The following ST7L variants were observed in gnomAD, a reference collection of about 807,000 sequenced individuals.
ST7L encodes the protein suppression of tumorigenicity 7 like, also known as suppressor of tumorigenicity 7 protein-like.
In ST7L, 57 loss-of-function variants were observed where a neutral mutation model predicts 72.5. The ratio of observed to expected loss-of-function variants is 0.79; its 90% CI spans 0.64 to 0.98. The LOEUF is 0.98. Among genes scored for constraint, ST7L ranks in the 50% least tolerant of loss-of-function variants. The pLI, the probability that ST7L is intolerant of heterozygous loss-of-function variation, is 0.00. For missense variants in ST7L, 576 were observed against 672.2 expected, an observed-to-expected ratio of 0.86 and a Z score of 1.58; for synonymous variants, 221 against 240.9, an observed-to-expected ratio of 0.92 and a Z score of 0.77.
intron 11 of ST7L, among the ~76,000 whole-genome samples, chr1:112,561,912 AAACAG>A (rs1660219601): frequency 1.3e-5 from 2 of 152,262 alleles, no homozygotes; most frequent in African/African-American, 4.8e-5. Flanking sequence ...AAACTTGTAA[AAACAG>A]TTACGTAAAC....
At chr1:112,603,016 C>T (rs568339030) in intron 3 of ST7L, among the ~76,000 whole-genome samples, 9 of 150,810 alleles carry the variant, frequency 6.0e-5, no homozygotes, top group African/African-American at 1.9e-4. Context: ...CGCCCGGCCC[C>T]TGGCAGATAT....
At chr1:112,615,029 T>C (rs1669649597) in intron 2 of ST7L, among the ~76,000 whole-genome samples, 1 of 152,202 alleles carries the variant, frequency 6.6e-6, no homozygotes, top group African/African-American at 2.4e-5. Context: ...AAACAGAGTC[T>C]TGCTCTGTCA....
intron 11 of ST7L, 36 bp from the exon 12 acceptor site, chr1:112,556,054 CAG>C (rs746735302): frequency 7.3e-6 from 10 of 1,368,098 alleles, no homozygotes; most frequent in Non-Finnish European, 8.6e-6. Flanking sequence ...ATACACACAA[CAG>C]AAAAAAGAAA....
chr1:112,540,225 C>T (rs1460711618), intron 14 of ST7L: 11 of 985,432 alleles, frequency 1.1e-5, no homozygotes, highest in Non-Finnish European at 1.3e-5. Flanking sequence ...CCTTCCCACT[C>T]CACTTGCCTG....
intron 2 of ST7L, 37 bp downstream of exon 2, chr1:112,616,776 C>A: frequency 1.4e-6 from 2 of 1,425,824 alleles, no homozygotes; most frequent in Non-Finnish European, 1.9e-6. Context: ...TTTAGATAAA[C>A]ACCAAAACAT....
intron 6 of ST7L, among the ~76,000 whole-genome samples, chr1:112,589,441 C>A (rs1174242321): frequency 6.6e-6 from 1 of 152,010 alleles, no homozygotes; most frequent in Non-Finnish European, 1.5e-5. Context: ...TCTTTGCATG[C>A]CTTGTAATTT....
At chr1:112,589,109 C>T (rs1312139129) in intron 6 of ST7L, among the ~76,000 whole-genome samples, 1 of 152,064 alleles carries the variant, frequency 6.6e-6, no homozygotes, top group Non-Finnish European at 1.5e-5. Flanking sequence ...TTATTTCTTC[C>T]TCTTTACTGA....
At chr1:112,598,674 CAT>C (rs1482884553) in intron 4 of ST7L, among the ~76,000 whole-genome samples, 4 of 150,960 alleles carry the variant, frequency 2.6e-5, no homozygotes, top group Non-Finnish European at 4.4e-5. Flanking sequence ...ATGGAGCTAA[CAT>C]ATGAAATGTA....
chr1:112,619,198 T>C, upstream of ST7L: 3 of 1,361,192 alleles, frequency 2.2e-6, no homozygotes. Context: ...GTGGCGGACC[T>C]GAAGTTGGCC....
At chr1:112,577,593 A>G (rs1352981233) in intron 10 of ST7L, among the ~76,000 whole-genome samples, 1 of 151,710 alleles carries the variant, frequency 6.6e-6, no homozygotes, top group African/African-American at 2.4e-5. Context: ...AAAACAAAGC[A>G]GCATAAGGAA....
At chr1:112,537,502 T>G (rs1212101812) in intron 14 of ST7L, among the ~76,000 whole-genome samples, 1 of 152,160 alleles carries the variant, frequency 6.6e-6, no homozygotes, top group Non-Finnish European at 1.5e-5. Context: ...AGTAGAAGAT[T>G]GGTTCTCTAA....
chr1:112,526,127 T>C lies in ST7L; in HGVS notation c.1630-16A>G, dbSNP rs2101127373. 1 of 1,613,928 alleles carries C rather than the reference T, an allele frequency of 6.2e-7. No homozygotes were observed. Among genetic ancestry groups the C allele is most frequent in the Non-Finnish European group, 8.5e-7 (1 of 1,179,940 alleles). ...GTCCCAGCACCTTCAAAACAGAAATTGATACAAAATGTTCAAGCCCTGTAG... is the reference window on the plus strand; with the variant it reads ...GTCCCAGCACCTTCAAAACAGAAATCGATACAAAATGTTCAAGCCCTGTAG... On this transcript the variant is annotated splice_polypyrimidine_tract_variant and intron_variant, in intron 14 of 14. Transcript: ENST00000358039.
At chr1:112,601,927 A>G (rs6689672) in intron 3 of ST7L, among the ~76,000 whole-genome samples, 3,265 of 152,052 alleles carry the variant, frequency 0.021, 107 homozygotes, top group African/African-American at 0.075. Flanking sequence ...AAAAATACAA[A>G]ATTAGCTGGG....
At chr1:112,522,424 G>C (rs1017558209), downstream of ST7L, 2 of 152,216 alleles carry the variant, frequency 1.3e-5, no homozygotes, top group African/African-American at 4.8e-5. Context: ...GACTTCTCTA[G>C]GAACAGTCCT....
intron 12 of ST7L, 82 bp from the exon 13 acceptor site, chr1:112,550,775 T>C (rs956408469): frequency 2.1e-5 from 24 of 1,127,754 alleles, no homozygotes; most frequent in Non-Finnish European, 3.1e-5. Context: ...ATATAGAAAT[T>C]TCACATACTA....
chr1:112,606,428 T>C (rs1668253089), intron 3 of ST7L, among the ~76,000 whole-genome samples: 1 of 152,194 alleles, frequency 6.6e-6, no homozygotes, highest in South Asian at 2.1e-4. Context: ...CCAGTTCTTT[T>C]CCACTTTATA....
chr1:112,619,200 A>C, upstream of ST7L: 1 of 1,347,374 alleles, frequency 7.4e-7, no homozygotes, highest in South Asian at 1.3e-5. Context: ...GGCGGACCTG[A>C]AGTTGGCCTC....
At chr1:112,571,031 G>A (rs775092339) in intron 11 of ST7L, among the ~76,000 whole-genome samples, 1 of 152,030 alleles carries the variant, frequency 6.6e-6, no homozygotes, top group African/African-American at 2.4e-5. Flanking sequence ...TTAGCTGCAC[G>A]TGGTGGCGCA....
At chr1:112,520,466 C>T (rs372190907), downstream of ST7L, 1 of 1,614,082 alleles carries the variant, frequency 6.2e-7, no homozygotes, top group Non-Finnish European at 8.5e-7. Context: ...GACGTCCATA[C>T]TTGCAAAGCC....
Sources: allele counts gnomAD v4.1 joint callset (sites outside exome capture counted in the v4.1 genomes callset), GRCh38; gene constraint gnomAD v4.1.1; transcripts MANE v1.5; gene names NCBI Gene and HGNC (gene_info 2026-07-23, HGNC 2026-07-21).